EPHB1: variants seen among roughly 807,000 people sequenced by gnomAD.
EPHB1 encodes the protein ephrin type-B receptor 1.
In EPHB1, 30 loss-of-function variants were observed where a neutral mutation model predicts 94.4. That is an observed-to-expected ratio of 0.32 (90% CI 0.24 to 0.43). The LOEUF is 0.43. EPHB1 is among the 20% of genes least tolerant of loss of function. EPHB1 has a pLI of 1.00. For missense variants in EPHB1, 1,055 were observed against 1,308.3 expected, an observed-to-expected ratio of 0.81 and a Z score of 2.99; for synonymous variants, 522 against 489.1, an observed-to-expected ratio of 1.07 and a Z score of -0.89.
chr3:134,936,297 A>T (rs1305995184), intron 2 of EPHB1, among the ~76,000 whole-genome samples: 1 of 152,068 alleles, frequency 6.6e-6, no homozygotes, highest in African/African-American at 2.4e-5. Flanking sequence ...GGTTTGGGGA[A>T]GTGTGGGGTT....
At chr3:135,043,689 A>G (rs1344475475) in intron 3 of EPHB1, among the ~76,000 whole-genome samples, 2 of 152,232 alleles carry the variant, frequency 1.3e-5, no homozygotes, top group Non-Finnish European at 2.9e-5. Flanking sequence ...CCATCCTGAT[A>G]CAGACGTTCC....
chr3:135,248,467 G>C lies in EPHB1; in HGVS notation c.2648G>C (p.Arg883Pro), dbSNP rs186851943. The C allele has an allele frequency of 6.2e-7, 1 of 1,612,598 alleles. No homozygotes were observed. The highest frequency in any genetic ancestry group is 1.7e-5 in the Admixed American group (1 of 59,946). ...GTCAACACCCTAGATAAGATGATCC[G>C]GAACCCGGCAAGTCTCAAGACTGTG... ...EIVNTLDKMI[R>P]NPASLKTVAT... The change falls in exon 14 of 16, where the codon CGG becomes CCG. Residue 883 changes from arginine to proline, a missense_variant. Arg to Pro is a moderately radical substitution (Grantham distance 103). Transcript: ENST00000398015.
chr3:134,895,704 G>A (rs768549554), intron 1 of EPHB1, among the ~76,000 whole-genome samples: 12 of 152,212 alleles, frequency 7.9e-5, no homozygotes, highest in African/African-American at 2.4e-4. Context: ...AAAGCCACCC[G>A]AATGTTAAGC....
At chr3:135,093,739 C>T (rs191093421) in intron 3 of EPHB1, among the ~76,000 whole-genome samples, 241 of 149,420 alleles carry the variant, frequency 1.6e-3, no homozygotes, top group African/African-American at 5.5e-3. Context: ...AAAAAAAAAT[C>T]GTTTTCCATT....
At chr3:135,001,383 C>T (rs562876035) in intron 3 of EPHB1, among the ~76,000 whole-genome samples, 4 of 152,260 alleles carry the variant, frequency 2.6e-5, no homozygotes, top group East Asian at 1.9e-4. Context: ...GGATAAATGT[C>T]GGCTGGTCCC....
chr3:135,241,345 C>A, intron 13 of EPHB1, 48 bp downstream of exon 13: 1 of 1,608,878 alleles, frequency 6.2e-7, no homozygotes, highest in Non-Finnish European at 8.5e-7. Flanking sequence ...TTGAAGGGAT[C>A]CCAAAGGCAG....
intron 12 of EPHB1, among the ~76,000 whole-genome samples, chr3:135,204,792 C>T (rs1942853166): frequency 6.6e-6 from 1 of 151,954 alleles, no homozygotes; most frequent in Non-Finnish European, 1.5e-5. Context: ...CATGAGCCAC[C>T]ATGCCCAGCC....
intron 2 of EPHB1, among the ~76,000 whole-genome samples, chr3:134,938,883 G>T (rs1202537044): frequency 2.0e-5 from 3 of 152,162 alleles, no homozygotes; most frequent in Non-Finnish European, 4.4e-5. Flanking sequence ...ACACAGCTGG[G>T]TCTGGCGGAC....
intron 12 of EPHB1, among the ~76,000 whole-genome samples, chr3:135,226,058 G>A (rs1341941177): frequency 1.3e-5 from 2 of 152,252 alleles, no homozygotes; most frequent in Admixed American, 1.3e-4. Context: ...TCTAGCTGGG[G>A]AACCCCAGCT....
At chr3:134,873,124 C>T (rs1336359896) in intron 1 of EPHB1, among the ~76,000 whole-genome samples, 1 of 152,254 alleles carries the variant, frequency 6.6e-6, no homozygotes, top group East Asian at 1.9e-4. Context: ...ATTTTAACTA[C>T]CCGTGCTGTG....
At chr3:135,247,983 G>T (rs910985343) in intron 13 of EPHB1, among the ~76,000 whole-genome samples, 1 of 152,164 alleles carries the variant, frequency 6.6e-6, no homozygotes, top group Admixed American at 6.5e-5. Context: ...GCAGAATTGG[G>T]CCCTATGTCT....
intron 1 of EPHB1, among the ~76,000 whole-genome samples, chr3:134,906,957 A>G (rs1463908492): frequency 6.6e-6 from 1 of 152,246 alleles, no homozygotes; most frequent in Non-Finnish European, 1.5e-5. Flanking sequence ...CTTCTAAGAT[A>G]AGATAATGCC....
At chr3:135,000,398 T>C (rs1935135267) in intron 3 of EPHB1, among the ~76,000 whole-genome samples, 2 of 152,100 alleles carry the variant, frequency 1.3e-5, no homozygotes, top group Admixed American at 1.3e-4. Flanking sequence ...GGGAAAAAAA[T>C]CATTCCATGG....
chr3:135,089,299 CT>C (rs1938475372), intron 3 of EPHB1, among the ~76,000 whole-genome samples: 1 of 152,174 alleles, frequency 6.6e-6, no homozygotes. Flanking sequence ...TTATTTGAGC[CT>C]TAGTTTTTTA....
chr3:134,931,745 G>A (rs555983915), intron 2 of EPHB1, among the ~76,000 whole-genome samples: 6 of 152,148 alleles, frequency 3.9e-5, no homozygotes, highest in Non-Finnish European at 5.9e-5. Flanking sequence ...AGAAATATAA[G>A]TATGTGTGTG....
intron 12 of EPHB1, among the ~76,000 whole-genome samples, chr3:135,215,182 A>G (rs1943118762): frequency 6.6e-6 from 1 of 151,380 alleles, no homozygotes; most frequent in African/African-American, 2.4e-5. Context: ...TTTTTTTTTA[A>G]GACAGAGTTT....
chr3:134,981,054 T>G (rs141531984), intron 3 of EPHB1, among the ~76,000 whole-genome samples: 1 of 152,302 alleles, frequency 6.6e-6, no homozygotes, highest in East Asian at 1.9e-4. Flanking sequence ...CCTTACAGGA[T>G]CATCTTTGTT....
intron 3 of EPHB1, among the ~76,000 whole-genome samples, chr3:135,038,401 A>G (rs1936715603): frequency 6.6e-6 from 1 of 152,194 alleles, no homozygotes; most frequent in Non-Finnish European, 1.5e-5. Flanking sequence ...CTGAGTAAAC[A>G]TGTAAGTCCT....
Position 134,824,816 on chromosome 3 carries a change from GA to G in EPHB1, c.58+29128del, listed in dbSNP as rs138115893. 4.5e-3 allele frequency among the ~76,000 whole-genome samples: 678 copies of G among 152,288 alleles called. 7 individuals are homozygous for G. The highest frequency in any genetic ancestry group is 0.015 in the African/African-American group (624 of 41,556). On this transcript the variant is annotated intron_variant, in intron 1 of 15. Coordinates refer to ENST00000398015, the MANE Select transcript of EPHB1 (RefSeq NM_004441.5). ...GGTACTTCAATTGACAGCCCAAGGT[GA>G]GCTTCCAGCTGACAGCCAGCACCAA... is the stretch of plus-strand genomic sequence containing the variant.
Sources: gnomAD v4.1 joint callset for allele counts (sites outside exome capture counted in the v4.1 genomes callset) on GRCh38, gnomAD v4.1.1 for gene constraint, MANE v1.5 for transcripts, NCBI Gene and HGNC (gene_info 2026-07-23, HGNC 2026-07-21) for gene names.